The following PLCL1 variants were observed in gnomAD, a reference collection of about 807,000 sequenced individuals.
PLCL1 encodes the protein phospholipase C like 1 (inactive), also known as inactive phospholipase C-like protein 1.
Under a neutral mutation model 84.4 loss-of-function variants are expected in PLCL1, and 41 were observed. The ratio of observed to expected loss-of-function variants is 0.49; its 90% CI spans 0.38 to 0.63. PLCL1 has a LOEUF of 0.63. Ranked by LOEUF, PLCL1 falls within the 30% of genes least tolerant of loss-of-function variation. The probability of loss-of-function intolerance (pLI) is 0.00; values close to 1 mark genes in which losing one functional copy is unlikely to be tolerated. For missense variants in PLCL1, 1,206 were observed against 1,367.8 expected, an observed-to-expected ratio of 0.88 and a Z score of 1.87; for synonymous variants, 490 against 488.3, an observed-to-expected ratio of 1.00 and a Z score of -0.05.
chr2:197,979,233 C>T (rs540037328), intron 1 of PLCL1, among the ~76,000 whole-genome samples: 2 of 152,306 alleles, frequency 1.3e-5, no homozygotes, highest in East Asian at 3.9e-4. Context: ...AGCCCAAATA[C>T]TGTAACTAAA....
At chr2:198,114,489 T>C (rs1369422628) in intron 5 of PLCL1, among the ~76,000 whole-genome samples, 1 of 151,936 alleles carries the variant, frequency 6.6e-6, no homozygotes, top group African/African-American at 2.4e-5. Context: ...GTCTTACTTT[T>C]CTTTCAGGAA....
At chr2:198,103,988 C>G in intron 5 of PLCL1, 52 bp downstream of exon 5, 1 of 838,066 alleles carries the variant, frequency 1.2e-6, no homozygotes, top group African/African-American at 1.8e-5. Flanking sequence ...TTCTCCTCAT[C>G]TCTCCAATGT....
At chr2:197,814,176 T>A (rs914594871) in intron 1 of PLCL1, among the ~76,000 whole-genome samples, 3 of 152,192 alleles carry the variant, frequency 2.0e-5, no homozygotes, top group East Asian at 1.9e-4. Context: ...TGCATTTTTT[T>A]AAACAAATAG....
intron 1 of PLCL1, among the ~76,000 whole-genome samples, chr2:197,904,998 G>A (rs1160105213): frequency 6.6e-6 from 1 of 152,086 alleles, no homozygotes; most frequent in African/African-American, 2.4e-5. Context: ...TAATTTTTCA[G>A]GGCATGCCAT....
At chr2:198,136,862 A>G (rs1358497877) in intron 5 of PLCL1, among the ~76,000 whole-genome samples, 1 of 152,158 alleles carries the variant, frequency 6.6e-6, no homozygotes, top group Non-Finnish European at 1.5e-5. Context: ...CCCACTCATG[A>G]ATCCTCTATC....
chr2:197,833,201 T>C (rs1282283927), intron 1 of PLCL1, among the ~76,000 whole-genome samples: 1 of 152,184 alleles, frequency 6.6e-6, no homozygotes, highest in African/African-American at 2.4e-5. Flanking sequence ...GTACGAGCTA[T>C]TTATGACAAA....
At chr2:198,042,009 A>G (rs1691678278) in intron 1 of PLCL1, among the ~76,000 whole-genome samples, 2 of 152,206 alleles carry the variant, frequency 1.3e-5, no homozygotes, top group African/African-American at 4.8e-5. Context: ...GGTCTAACCC[A>G]TTCATGATGA....
At chr2:197,854,972 A>G (rs1233487819) in intron 1 of PLCL1, among the ~76,000 whole-genome samples, 1 of 152,196 alleles carries the variant, frequency 6.6e-6, no homozygotes, top group Non-Finnish European at 1.5e-5. Flanking sequence ...GTCATTGTGA[A>G]TATTCTTTTG....
At chr2:197,824,555 A>C (rs1294533363) in intron 1 of PLCL1, among the ~76,000 whole-genome samples, 1 of 151,900 alleles carries the variant, frequency 6.6e-6, no homozygotes, top group African/African-American at 2.4e-5. Flanking sequence ...CTGTACAAAA[A>C]ATACAAAAAT....
chr2:198,002,861 T>C (rs770674535), intron 1 of PLCL1, among the ~76,000 whole-genome samples: 29 of 152,296 alleles, frequency 1.9e-4, no homozygotes, highest in South Asian at 2.1e-4. Flanking sequence ...TGAGCATCTG[T>C]TTTGTTTGGT....
intron 1 of PLCL1, among the ~76,000 whole-genome samples, chr2:197,947,146 C>G (rs536815197): frequency 6.6e-6 from 1 of 150,750 alleles, no homozygotes; most frequent in East Asian, 1.9e-4. Flanking sequence ...GGAGTGAGGA[C>G]AGATAATTTA....
chr2:198,014,817 G>A (rs1343729270), intron 1 of PLCL1, among the ~76,000 whole-genome samples: 1 of 151,974 alleles, frequency 6.6e-6, no homozygotes, highest in Admixed American at 6.6e-5. Context: ...TAAGGTTTTT[G>A]ATCTCTAGGG....
intron 5 of PLCL1, among the ~76,000 whole-genome samples, chr2:198,127,011 T>TGTGTGTG (rs762931586): frequency 1.4e-3 from 78 of 56,830 alleles, no homozygotes; most frequent in African/African-American, 4.1e-3. Flanking sequence ...TGTGTGTGTG[T>TGTGTGTG]GGGGGGTGGT....
intron 1 of PLCL1, among the ~76,000 whole-genome samples, chr2:197,922,165 C>T (rs1229757582): frequency 4.5e-5 from 5 of 111,640 alleles, no homozygotes; most frequent in Non-Finnish European, 7.3e-5. Flanking sequence ...TGCGGCCTTC[C>T]GCAGTGTTTG....
intron 1 of PLCL1, among the ~76,000 whole-genome samples, chr2:198,003,314 T>C (rs1179308498): frequency 1.3e-5 from 2 of 152,196 alleles, no homozygotes; most frequent in African/African-American, 2.4e-5. Flanking sequence ...GTTGAACTAG[T>C]GCTAGGCAAG....
At chr2:197,818,948 AT>A (rs1458205806) in intron 1 of PLCL1, among the ~76,000 whole-genome samples, 1 of 152,034 alleles carries the variant, frequency 6.6e-6, no homozygotes, top group Non-Finnish European at 1.5e-5. Context: ...CTGGTGAGGG[AT>A]GGGAGGGAAA....
At chr2:198,078,433 GT>G (rs1406439197) in intron 1 of PLCL1, among the ~76,000 whole-genome samples, 1 of 152,104 alleles carries the variant, frequency 6.6e-6, no homozygotes, top group African/African-American at 2.4e-5. Context: ...TTTTTATAGT[GT>G]ATAGGTTGTA....
At chr2:197,952,779 G>A (rs564724790) in intron 1 of PLCL1, among the ~76,000 whole-genome samples, 1 of 152,202 alleles carries the variant, frequency 6.6e-6, no homozygotes, top group African/African-American at 2.4e-5. Context: ...TAAGTCTCAT[G>A]AGATCTGATG....
chr2:197,928,003 A>T (rs1245287594), intron 1 of PLCL1, among the ~76,000 whole-genome samples: 1 of 151,044 alleles, frequency 6.6e-6, no homozygotes, highest in Non-Finnish European at 1.5e-5. Context: ...ATTTAGAACC[A>T]AGGGTCATTT....
Sources: allele counts gnomAD v4.1 joint callset (sites outside exome capture counted in the v4.1 genomes callset), GRCh38; gene constraint gnomAD v4.1.1; transcripts MANE v1.5; gene names NCBI Gene and HGNC (gene_info 2026-07-23, HGNC 2026-07-21).